The following KIFAP3 variants were observed in gnomAD, a reference collection of about 807,000 sequenced individuals.
KIFAP3 encodes the protein kinesin-associated protein 3.
A neutral mutation model predicts 106.5 loss-of-function variants in KIFAP3; 68 were observed. The observed-to-expected ratio is 0.64, with a 90% CI of 0.53 to 0.78. The LOEUF (loss-of-function observed/expected upper bound fraction) is 0.78. Among genes scored for constraint, KIFAP3 ranks in the 30% least tolerant of loss-of-function variants. The probability of loss-of-function intolerance (pLI) is 0.00; values close to 1 mark genes in which losing one functional copy is unlikely to be tolerated. For synonymous variants in KIFAP3, 320 were observed against 311.5 expected (o/e 1.03, Z -0.29); for missense variants, 780 against 941.8 (o/e 0.83, Z 2.25).
At chr1:169,960,419 AT>A (rs1235594526) in intron 18 of KIFAP3, among the ~76,000 whole-genome samples, 1 of 152,146 alleles carries the variant, frequency 6.6e-6, no homozygotes, top group East Asian at 1.9e-4. Context: ...GAGCTGGAAT[AT>A]GCAAAAACTT....
chr1:170,078,875 G>A (rs1671970177), upstream of KIFAP3, among the ~76,000 whole-genome samples: 1 of 152,172 alleles, frequency 6.6e-6, no homozygotes, highest in Non-Finnish European at 1.5e-5. Context: ...AATATCCTTA[G>A]TGAACATATG....
intron 19 of KIFAP3, among the ~76,000 whole-genome samples, chr1:169,950,338 T>A (rs1481035893): frequency 6.6e-6 from 1 of 152,144 alleles, no homozygotes; most frequent in Non-Finnish European, 1.5e-5. Flanking sequence ...TTGTTATACT[T>A]AAATCATTGA....
chr1:170,047,620 CAAAAAAAAA>C (rs1165754265), intron 2 of KIFAP3, among the ~76,000 whole-genome samples: 1 of 46,196 alleles, frequency 2.2e-5, no homozygotes, highest in Non-Finnish European at 4.6e-5. Context: ...GGCTCTGTCT[CAAAAAAAAA>C]AAAAAAAAAA....
intron 10 of KIFAP3, among the ~76,000 whole-genome samples, chr1:169,997,223 GATA>G (rs997122298): frequency 2.0e-4 from 30 of 152,256 alleles, no homozygotes; most frequent in Admixed American, 1.3e-3. Context: ...GTAAAAATGG[GATA>G]ATAACTGTAC....
intron 17 of KIFAP3, among the ~76,000 whole-genome samples, chr1:169,965,896 T>C (rs1665587156): frequency 6.6e-6 from 1 of 151,976 alleles, no homozygotes; most frequent in Non-Finnish European, 1.5e-5. Context: ...GTAAAACTGA[T>C]CTTCCAAGGC....
chr1:170,060,501 G>A (rs1024536900), intron 1 of KIFAP3, among the ~76,000 whole-genome samples: 115 of 152,130 alleles, frequency 7.6e-4, no homozygotes, highest in Non-Finnish European at 4.3e-4. Flanking sequence ...ACTGCTCAAC[G>A]AAATAAAAGA....
In KIFAP3 at chr1:170,034,469, A is replaced by T; in HGVS notation, c.645T>A (p.Thr215=). The T allele has an allele frequency of 6.6e-7, 1 of 1,509,060 alleles. No homozygotes were observed. The highest frequency in any genetic ancestry group is 9.1e-7 in the Non-Finnish European group (1 of 1,095,012). 93.5% of individuals were successfully genotyped at this position (1,509,060 alleles called of 1,614,324 possible). Residue 215 remains threonine, a synonymous_variant, in exon 7 of 20, where the codon ACT becomes ACA. Transcript: ENST00000361580. Reference sequence around the variant, plus strand: ...TACACAGAGCTCCAATTTTATAGTGAGTAATAAGTCCATGAAATTGAGAAA... The same window carrying T: ...TACACAGAGCTCCAATTTTATAGTGTGTAATAAGTCCATGAAATTGAGAAA... The part of the protein sequence containing the change: ...SSFSQFHGLI[T]HYKIGALCMN...
chr1:170,046,140 G>A (rs1670234830), intron 3 of KIFAP3, among the ~76,000 whole-genome samples: 1 of 131,630 alleles, frequency 7.6e-6, no homozygotes, highest in South Asian at 2.6e-4. Flanking sequence ...AACTTCTCAG[G>A]GAGATGGATT....
chr1:170,027,523 A>T (rs1279848546), intron 8 of KIFAP3, among the ~76,000 whole-genome samples: 1 of 152,188 alleles, frequency 6.6e-6, no homozygotes, highest in Non-Finnish European at 1.5e-5. Context: ...AAAATATTCA[A>T]ACTTCTATCA....
In KIFAP3 at chr1:169,982,101, G is replaced by A; in HGVS notation, c.1673-4C>T. Reference sequence around the variant, plus strand: ...ACAAGATCATCTTCTGCAGCACCTAGTGAAGTCAAACCATAGAAAGTTTTC... The same window carrying A: ...ACAAGATCATCTTCTGCAGCACCTAATGAAGTCAAACCATAGAAAGTTTTC... On this transcript the variant is annotated splice_region_variant and splice_polypyrimidine_tract_variant and intron_variant, in intron 14 of 19. Coordinates refer to ENST00000361580, the MANE Select transcript of KIFAP3 (RefSeq NM_014970.4). The A allele has an allele frequency of 6.2e-7, 1 of 1,611,542 alleles. No individual in the cohort carries two copies. Among genetic ancestry groups the A allele is most frequent in the Non-Finnish European group, 8.5e-7 (1 of 1,179,032 alleles).
At chr1:170,054,113 T>C (rs1044363059) in intron 2 of KIFAP3, among the ~76,000 whole-genome samples, 3 of 152,034 alleles carry the variant, frequency 2.0e-5, no homozygotes, top group Admixed American at 6.6e-5. Flanking sequence ...AGGTCTAATA[T>C]CCAGAATCCA....
At chr1:170,021,941 C>CTTTTTTTTTTTTTTT (rs71125221) in intron 9 of KIFAP3, among the ~76,000 whole-genome samples, 4 of 77,884 alleles carry the variant, frequency 5.1e-5, no homozygotes, top group African/African-American at 1.4e-4. Context: ...TCTTTTCTTT[C>CTTTTTTTTTTTTTTT]TTTTTTTTTT....
intron 2 of KIFAP3, among the ~76,000 whole-genome samples, chr1:170,048,913 G>C (rs1041064907): frequency 5.9e-5 from 9 of 152,128 alleles, no homozygotes; most frequent in Non-Finnish European, 1.2e-4. Context: ...GTTTGGGCAG[G>C]CACCGAGCTA....
chr1:170,015,962 G>T (rs762193071), intron 10 of KIFAP3, among the ~76,000 whole-genome samples: 1 of 152,034 alleles, frequency 6.6e-6, no homozygotes, highest in African/African-American at 2.4e-5. Flanking sequence ...GCTGAGGTGG[G>T]AGGATCACTG....
chr1:169,921,655 C>CTACATGGAAAGATTAGT lies in KIFAP3; in HGVS notation c.*20_*21insACTAATCTTTCCATGTA. The CTACATGGAAAGATTAGT allele has an allele frequency of 6.4e-7, 1 of 1,574,244 alleles. No homozygotes were observed. Among genetic ancestry groups the CTACATGGAAAGATTAGT allele is most frequent in the Non-Finnish European group, 8.7e-7 (1 of 1,144,608 alleles). On this transcript the variant is annotated 3_prime_UTR_variant, in exon 20 of 20. Coordinates refer to ENST00000361580, the MANE Select transcript of KIFAP3 (RefSeq NM_014970.4). ...ACAGATTTCTTCTAAGCTGAGATTA[C>CTACATGGAAAGATTAGT]ACATGGAAACAGATACTTTATCAAG...
intron 9 of KIFAP3, among the ~76,000 whole-genome samples, chr1:170,020,716 C>G (rs957123424): frequency 2.6e-5 from 4 of 152,076 alleles, no homozygotes; most frequent in African/African-American, 9.7e-5. Context: ...CAATAAGGTG[C>G]AAAGGCAATT....
At chr1:169,941,783 G>T (rs1486231253) in intron 19 of KIFAP3, among the ~76,000 whole-genome samples, 1 of 152,104 alleles carries the variant, frequency 6.6e-6, no homozygotes, top group African/African-American at 2.4e-5. Flanking sequence ...GATAAGAGGT[G>T]TAAGTAAAAA....
At chr1:169,941,014 C>T (rs1349906772) in intron 19 of KIFAP3, among the ~76,000 whole-genome samples, 1 of 151,886 alleles carries the variant, frequency 6.6e-6, no homozygotes, top group South Asian at 2.1e-4. Flanking sequence ...TTTCTGTGGA[C>T]TTGCAAGGTT....
At chr1:170,042,145 T>C (rs1178876024) in intron 3 of KIFAP3, among the ~76,000 whole-genome samples, 1 of 152,242 alleles carries the variant, frequency 6.6e-6, no homozygotes, top group Admixed American at 6.5e-5. Context: ...GTTATGCGTA[T>C]ATTGTAATTT....
Sources: gnomAD v4.1 joint callset for allele counts (sites outside exome capture counted in the v4.1 genomes callset) on GRCh38, gnomAD v4.1.1 for gene constraint, MANE v1.5 for transcripts, NCBI Gene and HGNC (gene_info 2026-07-23, HGNC 2026-07-21) for gene names.